Variants in ADAM22 observed in about 807,000 individuals in gnomAD.
ADAM22 encodes ADAM metallopeptidase domain 22, also known as disintegrin and metalloproteinase domain-containing protein 22.
A neutral mutation model predicts 144.6 loss-of-function variants in ADAM22; 65 were observed. The ratio of observed to expected loss-of-function variants is 0.45; its 90% CI spans 0.37 to 0.55. ADAM22 has a LOEUF of 0.55. ADAM22 is among the 20% of genes least tolerant of loss of function. The pLI is 0.00. For synonymous variants in ADAM22, 391 were observed against 412.6 expected, an observed-to-expected ratio of 0.95 and a Z score of 0.63; for missense variants, 974 against 1,184.9, an observed-to-expected ratio of 0.82 and a Z score of 2.61.
chr7:88,081,395 G>T (rs1380998812), intron 4 of ADAM22, among the ~76,000 whole-genome samples: 3 of 152,172 alleles, frequency 2.0e-5, no homozygotes, highest in Non-Finnish European at 4.4e-5. Context: ...TACTGAATGG[G>T]CAGAAACTGG....
chr7:88,167,375 C>T (rs1406810443), intron 24 of ADAM22, among the ~76,000 whole-genome samples: 1 of 152,142 alleles, frequency 6.6e-6, no homozygotes, highest in Non-Finnish European at 1.5e-5. Context: ...TGATGATCCC[C>T]TTAAAGATTA....
intron 3 of ADAM22, among the ~76,000 whole-genome samples, chr7:88,051,607 G>A (rs979883541): frequency 4.6e-5 from 7 of 152,090 alleles, no homozygotes; most frequent in South Asian, 4.2e-4. Flanking sequence ...TGTAAATGAC[G>A]AGTTAGTGGG....
chr7:88,079,561 A>G (rs1288854308), intron 4 of ADAM22, among the ~76,000 whole-genome samples: 1 of 152,220 alleles, frequency 6.6e-6, no homozygotes, highest in Non-Finnish European at 1.5e-5. Context: ...CAAATTGGAT[A>G]AAGAGTCAAG....
chr7:88,163,004 G>A lies in ADAM22; in HGVS notation c.1908-8G>A. On this transcript the variant is annotated splice_region_variant and splice_polypyrimidine_tract_variant and intron_variant, in intron 22 of 31. Transcript: ENST00000413139. ...TAGATTCATTTTTTGCTCTCAATTTGTTTTTAGTGGTGGGCATGTTAAGCT... is the reference window on the plus strand; with the variant it reads ...TAGATTCATTTTTTGCTCTCAATTTATTTTTAGTGGTGGGCATGTTAAGCT... 6.2e-7 allele frequency: 1 copy of A among 1,603,392 alleles called. No individual in the cohort carries two copies. The highest frequency in any genetic ancestry group is 1.1e-5 in the South Asian group (1 of 88,218).
chr7:87,961,786 A>C (rs1402873238), intron 2 of ADAM22, among the ~76,000 whole-genome samples: 1 of 152,208 alleles, frequency 6.6e-6, no homozygotes, highest in Non-Finnish European at 1.5e-5. Flanking sequence ...ATTAAGACAG[A>C]GTTTTGTTAG....
intron 4 of ADAM22, among the ~76,000 whole-genome samples, chr7:88,089,355 T>C (rs1314544604): frequency 6.6e-6 from 1 of 152,190 alleles, no homozygotes; most frequent in Non-Finnish European, 1.5e-5. Flanking sequence ...GCATCAATGA[T>C]GAATCTTCTG....
Position 87,934,354 on chromosome 7 carries a change from C to A in ADAM22, c.-112C>A. ...ACGGCCGCCGCAGCACCGGCCGGGG[C>A]TGGGTGGAGGTGGCCGCGGGGACCC... On this transcript the variant is annotated 5_prime_UTR_variant, in exon 1 of 32. The change creates a new upstream start codon in the 5' untranslated region. Coordinates refer to ENST00000413139, the MANE Select transcript of ADAM22 (RefSeq NM_001324418.2). 1 of 983,768 alleles carries A rather than the reference C, an allele frequency of 1.0e-6. No homozygotes were observed. The highest frequency in any genetic ancestry group is 1.5e-6 in the Non-Finnish European group (1 of 679,940). 60.9% of individuals were successfully genotyped at this position (983,768 alleles called of 1,614,324 possible).
intron 4 of ADAM22, among the ~76,000 whole-genome samples, chr7:88,096,676 T>C (rs934341232): frequency 5.3e-5 from 8 of 152,116 alleles, no homozygotes; most frequent in African/African-American, 1.9e-4. Context: ...GTAAGTGCAG[T>C]GTACAAGATA....
intron 25 of ADAM22, among the ~76,000 whole-genome samples, chr7:88,169,151 G>A (rs895780155): frequency 1.4e-4 from 21 of 152,160 alleles, no homozygotes; most frequent in African/African-American, 5.1e-4. Flanking sequence ...TTGCTTGTGA[G>A]GTCAAAACCA....
At chr7:87,973,089 A>G (rs1850886319) in intron 2 of ADAM22, among the ~76,000 whole-genome samples, 1 of 152,350 alleles carries the variant, frequency 6.6e-6, no homozygotes, top group South Asian at 2.1e-4. Context: ...AAATTGACAA[A>G]TCGGATCTAA....
rs76764283 is a variant in ADAM22 at position 88,098,070 on chromosome 7, A to G, written c.391-10106A>G. ...AACCTAAAATTTTTAGTAGTCTGAT[A>G]TTTGTTATATTAGTGGGTGTCTAAT... is the stretch of plus-strand genomic sequence containing the variant. On this transcript the variant is annotated intron_variant, in intron 4 of 31. Coordinates refer to ENST00000413139, the MANE Select transcript of ADAM22 (RefSeq NM_001324418.2). 5.6e-3 allele frequency among the ~76,000 whole-genome samples: 847 copies of G among 152,234 alleles called. 11 individuals carry two copies. The highest frequency in any genetic ancestry group is 0.037 in the East Asian group (193 of 5,184).
intron 3 of ADAM22, among the ~76,000 whole-genome samples, chr7:87,984,598 C>T (rs1688893): frequency 0.58 from 87,457 of 152,032 alleles, 25,837 homozygotes; most frequent in African/African-American, 0.7. Flanking sequence ...TCTCAGAAAA[C>T]TCTAAAATTT....
At chr7:88,158,200 T>C (rs1013092686) in intron 22 of ADAM22, among the ~76,000 whole-genome samples, 2 of 152,114 alleles carry the variant, frequency 1.3e-5, no homozygotes, top group African/African-American at 4.8e-5. Flanking sequence ...CAAGAAGAGC[T>C]AACTACCCTA....
At chr7:88,131,029 A>G (rs909501611) in intron 10 of ADAM22, among the ~76,000 whole-genome samples, 1 of 152,164 alleles carries the variant, frequency 6.6e-6, no homozygotes, top group African/African-American at 2.4e-5. Flanking sequence ...GGAACCTTGA[A>G]TAGGGTGCAG....
intron 4 of ADAM22, among the ~76,000 whole-genome samples, chr7:88,084,218 TGGGATCTTAA>T (rs763083888): frequency 6.6e-6 from 1 of 152,172 alleles, no homozygotes; most frequent in Admixed American, 6.5e-5. Context: ...CACTTCACTC[TGGGATCTTAA>T]GGCTCCTTGG....
intron 6 of ADAM22, 90 bp from the exon 7 acceptor site, chr7:88,116,655 G>A: frequency 9.6e-7 from 1 of 1,041,310 alleles, no homozygotes; most frequent in Non-Finnish European, 1.5e-6. Flanking sequence ...GGCAAGCTGT[G>A]GTTCTTTTAA....
intron 2 of ADAM22, among the ~76,000 whole-genome samples, chr7:87,937,416 A>G (rs756049074): frequency 7.9e-5 from 12 of 152,192 alleles, no homozygotes; most frequent in Admixed American, 2.6e-4. Flanking sequence ...GCTTTAAAAC[A>G]ATTCACAAAG....
intron 5 of ADAM22, among the ~76,000 whole-genome samples, chr7:88,111,060 TG>T (rs1220543888): frequency 6.6e-6 from 1 of 151,680 alleles, no homozygotes; most frequent in African/African-American, 2.4e-5. Context: ...CTTTTAAGAA[TG>T]TTTTTATTTA....
chr7:88,089,712 T>C (rs912800048), intron 4 of ADAM22, among the ~76,000 whole-genome samples: 1 of 152,184 alleles, frequency 6.6e-6, no homozygotes, highest in Non-Finnish European at 1.5e-5. Context: ...GGAAGATGGC[T>C]TTAGAAATGA....
Sources: gnomAD v4.1 joint callset for allele counts (sites outside exome capture counted in the v4.1 genomes callset) on GRCh38, gnomAD v4.1.1 for gene constraint, MANE v1.5 for transcripts, NCBI Gene and HGNC (gene_info 2026-07-23, HGNC 2026-07-21) for gene names.